Variants in DGAT2 observed in about 807,000 individuals in gnomAD.
The protein encoded by DGAT2 is acyl-CoA retinol O-fatty-acyltransferase.
A neutral mutation model predicts 48.4 loss-of-function variants in DGAT2; 33 were observed. The ratio of observed to expected loss-of-function variants is 0.68; its 90% CI spans 0.52 to 0.91. The LOEUF (loss-of-function observed/expected upper bound fraction) is 0.91. Among genes scored for constraint, DGAT2 ranks in the 40% least tolerant of loss-of-function variants. DGAT2 has a pLI of 0.00. For missense variants in DGAT2, 446 were observed against 493.7 expected (o/e 0.90, Z 0.92); for synonymous variants, 191 against 194.1 (o/e 0.98, Z 0.13).
chr11:75,786,307 G>A (rs938347412), intron 2 of DGAT2, among the ~76,000 whole-genome samples: 1 of 152,168 alleles, frequency 6.6e-6, no homozygotes, highest in African/African-American at 2.4e-5. Context: ...GAGGCCTGGC[G>A]AGGATGGAGC....
chr11:75,791,555 T>G (rs1169606092), intron 4 of DGAT2, among the ~76,000 whole-genome samples: 1 of 152,210 alleles, frequency 6.6e-6, no homozygotes, highest in Admixed American at 6.5e-5. Flanking sequence ...GCAGGACTTG[T>G]CCAGGCTGCA....
Position 75,787,014 on chromosome 11 carries a change from G to C in DGAT2, c.250+2268G>C, listed in dbSNP as rs557224704. Among the ~76,000 whole-genome samples, 33 of 152,298 alleles carry C rather than the reference G, an allele frequency of 2.2e-4. No homozygotes were observed. In the South Asian group the frequency reaches 6.8e-3, roughly 32 times the overall value. On this transcript the variant is annotated intron_variant, in intron 2 of 7. Transcript: ENST00000228027. ...TTATTACAGTAAATAAAAAGATCTAGCAGCACATGTAATAATTACTATAGT... is the reference window on the plus strand; with the variant it reads ...TTATTACAGTAAATAAAAAGATCTACCAGCACATGTAATAATTACTATAGT...
chr11:75,795,540 A>G lies in DGAT2; in HGVS notation c.430-788A>G, dbSNP rs75803037. 2.7e-3 allele frequency: 414 copies of G among 152,256 alleles called. 8 individuals carry two copies. In the South Asian group the frequency reaches 0.062, roughly 23 times the overall value. The allele number at this position is 152,256 out of a possible 1,614,324, so 9.4% of individuals were successfully genotyped here. On this transcript the variant is annotated intron_variant, in intron 4 of 7. Transcript: ENST00000228027. Reference sequence around the variant, plus strand: ...CAGGAGGTGGGCCCTGAGGAAGCCAATCATCGTTTAGAGCATCCCAGTGTC... The same window carrying G: ...CAGGAGGTGGGCCCTGAGGAAGCCAGTCATCGTTTAGAGCATCCCAGTGTC...
At chr11:75,789,305 T>C (rs1010262481) in intron 2 of DGAT2, among the ~76,000 whole-genome samples, 14 of 152,206 alleles carry the variant, frequency 9.2e-5, no homozygotes, top group Non-Finnish European at 2.1e-4. Context: ...CATGCCACCT[T>C]GCCCAGCTAA....
At chr11:75,775,198 C>T (rs1944792863) in intron 1 of DGAT2, among the ~76,000 whole-genome samples, 1 of 152,218 alleles carries the variant, frequency 6.6e-6, no homozygotes, top group Admixed American at 6.5e-5. Context: ...TCCACCCCAG[C>T]TTCCTAATTT....
At position 75,797,250 on chromosome 11, in the gene DGAT2, G is replaced by A. The variant is rs1349102968; in HGVS notation, c.727G>A (p.Glu243Lys). 6 of 1,582,254 alleles carry A rather than the reference G, an allele frequency of 3.8e-6. No individual in the cohort carries two copies. Among genetic ancestry groups the A allele is most frequent in the Non-Finnish European group, 5.2e-6 (6 of 1,164,206 alleles). Residue 243 changes from glutamate (E) to lysine (K), a missense_variant, in exon 6 of 8, where the codon GAG becomes AAG. Glu to Lys is a moderately conservative substitution (Grantham distance 56, BLOSUM62 1). Transcript: ENST00000228027. Reference protein sequence around the residue: ...AIIIVVGGAAESLSSMPGKNA... With the variant: ...AIIIVVGGAAKSLSSMPGKNA... ...CATCATCGTGGTCGGGGGTGCGGCT[G>A]AGTCTCTGAGCTCCATGCCTGGCAA...
chr11:75,799,985 A>T (rs1945093931), intron 7 of DGAT2, among the ~76,000 whole-genome samples: 1 of 152,144 alleles, frequency 6.6e-6, no homozygotes, highest in Non-Finnish European at 1.5e-5. Context: ...AAGAATCCCC[A>T]TGTGACAGAT....
intron 4 of DGAT2, 94 bp from the exon 5 acceptor site, chr11:75,796,234 G>C: frequency 9.2e-7 from 1 of 1,082,552 alleles, no homozygotes; most frequent in Non-Finnish European, 1.4e-6. Context: ...GGAGGTCCAG[G>C]GGAAATGACA....
rs141812418 is a variant in DGAT2 at position 75,790,641 on chromosome 11, T to A, written c.359-20T>A. ...AATGTACCCCCACCCCCACCAACTC[T>A]GTATTTTATTCCCTGGAAGGTGGCA... On this transcript the variant is annotated intron_variant, in intron 3 of 7. Transcript: ENST00000228027. The A allele has an allele frequency of 2.4e-4, 395 of 1,612,976 alleles. 3 individuals carry two copies. In the East Asian group the frequency reaches 7.1e-3, roughly 29 times the overall value.
intron 1 of DGAT2, among the ~76,000 whole-genome samples, chr11:75,779,984 T>TA: frequency 6.6e-6 from 1 of 152,322 alleles, no homozygotes; most frequent in East Asian, 1.9e-4. Context: ...GAGCCCCTCT[T>TA]ACCACAGATG....
At chr11:75,790,835 T>TAAA in intron 4 of DGAT2, 104 bp downstream of exon 4, 3 of 1,159,010 alleles carry the variant, frequency 2.6e-6, no homozygotes, top group Non-Finnish European at 3.9e-6. Flanking sequence ...CAAGTTGGTC[T>TAAA]CTTCATTTCC....
At chr11:75,796,676 G>A in intron 5 of DGAT2, 144 bp downstream of exon 5, 2 of 805,200 alleles carry the variant, frequency 2.5e-6, no homozygotes, top group Non-Finnish European at 3.9e-6. Flanking sequence ...CAGACATGGT[G>A]GGTCAGGGCT....
At chr11:75,788,341 TCA>T (rs1944944990) in intron 2 of DGAT2, among the ~76,000 whole-genome samples, 1 of 152,334 alleles carries the variant, frequency 6.6e-6, no homozygotes, top group South Asian at 2.1e-4. Flanking sequence ...CGTAAGCTTT[TCA>T]CAGTTTGCTT....
In DGAT2 at chr11:75,772,702, T is replaced by G. The variant is rs557687940; in HGVS notation, c.121+3590T>G. Among the ~76,000 whole-genome samples the G allele has an allele frequency of 1.4e-3, 206 of 152,336 alleles. 1 individual carries two copies. The highest frequency in any genetic ancestry group is 4.7e-3 in the African/African-American group (194 of 41,584). On this transcript the variant is annotated intron_variant, in intron 1 of 7. Coordinates refer to ENST00000228027, the MANE Select transcript of DGAT2 (RefSeq NM_032564.5). ...TCCCCAGTAAGAATATCAGTCCCTT[T>G]GCCGGCCGCGTGCCATGGCTTTCGC...
Position 75,800,683 on chromosome 11 carries a change from CT to C in DGAT2, c.*178del. The C allele has an allele frequency of 1.2e-6, 1 of 844,438 alleles. No homozygotes were observed. Among genetic ancestry groups the C allele is most frequent in the Admixed American group, 3.0e-5 (1 of 33,588 alleles). 52.3% of individuals were successfully genotyped at this position (844,438 alleles called of 1,614,324 possible). On this transcript the variant is annotated 3_prime_UTR_variant, in exon 8 of 8. Transcript: ENST00000228027. Reference sequence around the variant, plus strand: ...AAGGAAAAAGTCAGTATTTCAAGTTCTTTCACTTCCAGCTTGCCCTGTTCTA... The same window carrying C: ...AAGGAAAAAGTCAGTATTTCAAGTTCTTCACTTCCAGCTTGCCCTGTTCTA...
intron 6 of DGAT2, 26 bp downstream of exon 6, chr11:75,797,358 C>G (rs780818052): frequency 7.0e-7 from 1 of 1,434,180 alleles, no homozygotes; most frequent in South Asian, 1.5e-5. Flanking sequence ...CACACACACA[C>G]ACCCCTCCAG....
intron 2 of DGAT2, among the ~76,000 whole-genome samples, chr11:75,786,496 G>C (rs1203921563): frequency 6.6e-6 from 1 of 152,174 alleles, no homozygotes; most frequent in African/African-American, 2.4e-5. Context: ...GAGCTGAGCA[G>C]CTTGTAGAAC....
intron 4 of DGAT2, chr11:75,795,790 T>G (rs1945044271): frequency 6.5e-6 from 1 of 154,472 alleles, no homozygotes; most frequent in Admixed American, 6.3e-5. Flanking sequence ...CTGTGAGCTG[T>G]GGAGGAGCCC....
chr11:75,786,328 G>A (rs1944922421), intron 2 of DGAT2, among the ~76,000 whole-genome samples: 1 of 152,142 alleles, frequency 6.6e-6, no homozygotes, highest in Non-Finnish European at 1.5e-5. Context: ...CTTACTTGGG[G>A]TCACATGAGA....
Sources: gnomAD v4.1 joint callset for allele counts (sites outside exome capture counted in the v4.1 genomes callset) on GRCh38, gnomAD v4.1.1 for gene constraint, MANE v1.5 for transcripts, NCBI Gene and HGNC (gene_info 2026-07-23, HGNC 2026-07-21) for gene names.